Variants in CSMD1 observed in about 807,000 individuals in gnomAD.
The protein encoded by CSMD1 is CUB and sushi domain-containing protein 1.
In CSMD1, 213 loss-of-function variants were observed where a neutral mutation model predicts 417.5. The ratio of observed to expected loss-of-function variants is 0.51; its 90% CI spans 0.46 to 0.57. The LOEUF is 0.57. CSMD1 is among the 20% of genes least tolerant of loss of function. The pLI is 0.00. For missense variants in CSMD1, 6,923 were observed against 4,529.7 expected (o/e 1.53, Z -15.17); for synonymous variants, 2,862 against 1,736.8 (o/e 1.65, Z -16.11).
At chr8:3,221,258 T>C (rs1457776827) in intron 28 of CSMD1, among the ~76,000 whole-genome samples, 1 of 152,140 alleles carries the variant, frequency 6.6e-6, no homozygotes, top group Admixed American at 6.5e-5. Flanking sequence ...AATATACTTA[T>C]TAAAGGAAAT....
At chr8:4,973,924 G>C (rs760895288) in intron 1 of CSMD1, among the ~76,000 whole-genome samples, 10 of 151,956 alleles carry the variant, frequency 6.6e-5, no homozygotes, top group Non-Finnish European at 1.0e-4. Context: ...TCTGTTTCTT[G>C]GAATAAAAAG....
At chr8:4,341,299 T>C (rs1800462810) in intron 3 of CSMD1, among the ~76,000 whole-genome samples, 1 of 152,128 alleles carries the variant, frequency 6.6e-6, no homozygotes, top group Non-Finnish European at 1.5e-5. Context: ...GGCTCAAATA[T>C]ATTAAGCAAT....
chr8:3,468,786 A>C lies in CSMD1; in HGVS notation c.1487T>G (p.Met496Arg). 4.4e-6 allele frequency: 7 copies of C among 1,604,488 alleles called. No homozygotes were observed. The South Asian group carries it at 7.9e-5, about 18-fold the overall frequency. Residue 496 changes from methionine (M) to arginine (R), a missense_variant, in exon 12 of 70, where the codon ATG (methionine) becomes AGG (arginine). Met to Arg is a moderately conservative substitution (Grantham distance 91, BLOSUM62 -1). Coordinates refer to ENST00000635120, the MANE Select transcript of CSMD1 (RefSeq NM_033225.6). ...GSSVPDLIVS[M>R]SNQMWLHLQS... ...CAGATGTAGCCACATCTGGTTGCTCATGCTCACAATGAGGTCAGGAACACT... is the reference window on the plus strand; with the variant it reads ...CAGATGTAGCCACATCTGGTTGCTCCTGCTCACAATGAGGTCAGGAACACT...
chr8:3,851,766 A>G (rs900092280), intron 5 of CSMD1, among the ~76,000 whole-genome samples: 5 of 152,206 alleles, frequency 3.3e-5, no homozygotes, highest in Non-Finnish European at 5.9e-5. Flanking sequence ...GAGGGAATGT[A>G]TAAGGAAGTG....
At chr8:3,482,938 TAA>T (rs1241808752) in intron 11 of CSMD1, among the ~76,000 whole-genome samples, 2 of 151,966 alleles carry the variant, frequency 1.3e-5, no homozygotes, top group Non-Finnish European at 2.9e-5. Flanking sequence ...GAAGTTAAAA[TAA>T]AAACACAACA....
chr8:3,789,442 GTTTT>G (rs34045957), intron 5 of CSMD1, among the ~76,000 whole-genome samples: 338 of 115,624 alleles, frequency 2.9e-3, no homozygotes, highest in African/African-American at 9.2e-3. Context: ...TTTTTTAAGT[GTTTT>G]TTTTTTTTTT....
At chr8:3,402,850 T>A (rs966660363) in intron 15 of CSMD1, among the ~76,000 whole-genome samples, 10 of 152,102 alleles carry the variant, frequency 6.6e-5, no homozygotes, top group Non-Finnish European at 5.9e-5. Context: ...AACTTTTTAA[T>A]CTTATTATTA....
At chr8:3,713,449 C>T (rs1801642966) in intron 6 of CSMD1, among the ~76,000 whole-genome samples, 1 of 152,168 alleles carries the variant, frequency 6.6e-6, no homozygotes, top group African/African-American at 2.4e-5. Flanking sequence ...GTCCTGCCCT[C>T]CTCTGTAGCC....
At chr8:2,965,427 G>T (rs1018023968) in intron 59 of CSMD1, among the ~76,000 whole-genome samples, 2 of 152,048 alleles carry the variant, frequency 1.3e-5, no homozygotes, top group African/African-American at 4.8e-5. Context: ...GATTCACCAT[G>T]CCACGAACAC....
intron 2 of CSMD1, among the ~76,000 whole-genome samples, chr8:4,588,249 G>A (rs960968542): frequency 1.3e-5 from 2 of 152,012 alleles, no homozygotes; most frequent in Non-Finnish European, 2.9e-5. Flanking sequence ...ATGGCCGTCA[G>A]AAGACAGTAA....
chr8:3,703,817 T>C (rs1801010149), intron 7 of CSMD1, among the ~76,000 whole-genome samples: 1 of 152,134 alleles, frequency 6.6e-6, no homozygotes, highest in African/African-American at 2.4e-5. Context: ...ATGACTGTAA[T>C]CCCAGCACTT....
intron 3 of CSMD1, among the ~76,000 whole-genome samples, chr8:4,280,517 C>A (rs1237612035): frequency 6.6e-6 from 1 of 152,134 alleles, no homozygotes; most frequent in Admixed American, 6.6e-5. Context: ...AATATACAAG[C>A]AAATTGTTTA....
intron 37 of CSMD1, among the ~76,000 whole-genome samples, chr8:3,172,371 T>G (rs1283077256): frequency 6.6e-6 from 1 of 152,210 alleles, no homozygotes; most frequent in East Asian, 1.9e-4. Flanking sequence ...AATGCTCATT[T>G]TTTTTCTAGG....
intron 1 of CSMD1, among the ~76,000 whole-genome samples, chr8:4,948,424 C>A (rs1286070053): frequency 1.3e-5 from 2 of 151,274 alleles, no homozygotes; most frequent in African/African-American, 2.4e-5. Context: ...GCATATCTAT[C>A]TATTCCTGAT....
intron 1 of CSMD1, among the ~76,000 whole-genome samples, chr8:4,699,181 A>G (rs1807347040): frequency 6.6e-6 from 1 of 152,196 alleles, no homozygotes; most frequent in Non-Finnish European, 1.5e-5. Flanking sequence ...TGGACCTCTC[A>G]AAGCCTGCTA....
At chr8:4,185,246 T>C (rs1313093893) in intron 3 of CSMD1, among the ~76,000 whole-genome samples, 1 of 151,988 alleles carries the variant, frequency 6.6e-6, no homozygotes, top group East Asian at 1.9e-4. Context: ...CTTTGAATCC[T>C]GGCCCTACCC....
At chr8:4,389,426 C>A (rs544220524) in intron 3 of CSMD1, among the ~76,000 whole-genome samples, 2 of 152,064 alleles carry the variant, frequency 1.3e-5, no homozygotes, top group Non-Finnish European at 2.9e-5. Context: ...ACGAAAATCT[C>A]ACATAAACAA....
intron 3 of CSMD1, among the ~76,000 whole-genome samples, chr8:4,206,282 T>C (rs541117462): frequency 1.7e-4 from 26 of 152,270 alleles, no homozygotes; most frequent in Middle Eastern, 6.8e-3. Flanking sequence ...GCCATGTTGG[T>C]GTGCTGCACC....
At chr8:4,020,884 T>C (rs991407276) in intron 4 of CSMD1, among the ~76,000 whole-genome samples, 1 of 152,238 alleles carries the variant, frequency 6.6e-6, no homozygotes, top group Non-Finnish European at 1.5e-5. Context: ...TTTTTGGTCC[T>C]ACTCAGCTCA....
Sources: gnomAD v4.1 joint callset for allele counts (sites outside exome capture counted in the v4.1 genomes callset) on GRCh38, gnomAD v4.1.1 for gene constraint, MANE v1.5 for transcripts, NCBI Gene and HGNC (gene_info 2026-07-23, HGNC 2026-07-21) for gene names.